KAZN: variants seen among roughly 807,000 people sequenced by gnomAD.
The protein encoded by KAZN is kazrin, periplakin interacting protein, also known as kazrin.
Under a neutral mutation model 87.4 loss-of-function variants are expected in KAZN, and 40 were observed. That is an observed-to-expected ratio of 0.46 (90% CI 0.36 to 0.60). The LOEUF is 0.60. Among genes scored for constraint, KAZN ranks in the 20% least tolerant of loss-of-function variants. The pLI, the probability that KAZN is intolerant of heterozygous loss-of-function variation, is 0.00. For synonymous variants in KAZN, 466 were observed against 458.3 expected, an observed-to-expected ratio of 1.02 and a Z score of -0.22; for missense variants, 898 against 1,073.9, an observed-to-expected ratio of 0.84 and a Z score of 2.29.
At chr1:15,044,968 C>A (rs889335737) in intron 4 of KAZN, among the ~76,000 whole-genome samples, 16 of 152,146 alleles carry the variant, frequency 1.1e-4, no homozygotes, top group African/African-American at 3.9e-4. Context: ...AAACCAAACC[C>A]TCAAAATACT....
At chr1:14,452,838 G>A (rs1171343572) in intron 2 of KAZN, among the ~76,000 whole-genome samples, 1 of 152,218 alleles carries the variant, frequency 6.6e-6, no homozygotes, top group Non-Finnish European at 1.5e-5. Flanking sequence ...GAGCTCTGCT[G>A]CTGGGGTTGT....
At chr1:15,104,528 C>G (rs978761704) in intron 13 of KAZN, among the ~76,000 whole-genome samples, 1 of 152,110 alleles carries the variant, frequency 6.6e-6, no homozygotes, top group Admixed American at 6.5e-5. Context: ...GCTGGGAGGA[C>G]TTGCATTGGC....
chr1:14,092,469 T>G (rs1381970722), intron 1 of KAZN, among the ~76,000 whole-genome samples: 1 of 150,556 alleles, frequency 6.6e-6, no homozygotes, highest in Non-Finnish European at 1.5e-5. Context: ...ATTATATATA[T>G]ATACACACAC....
At chr1:14,659,216 A>G (rs1638999726) in intron 1 of KAZN, among the ~76,000 whole-genome samples, 1 of 152,176 alleles carries the variant, frequency 6.6e-6, no homozygotes. Context: ...TGACAGATCA[A>G]GACTCTTGTC....
chr1:14,122,513 A>G (rs915150674), intron 1 of KAZN, among the ~76,000 whole-genome samples: 1 of 152,192 alleles, frequency 6.6e-6, no homozygotes, highest in Non-Finnish European at 1.5e-5. Context: ...TGTGGTAACT[A>G]GGGAAACTGA....
intron 13 of KAZN, among the ~76,000 whole-genome samples, chr1:15,110,567 G>GTGTGTA (rs1557807456): frequency 6.6e-6 from 1 of 152,010 alleles, no homozygotes; most frequent in East Asian, 1.9e-4. Flanking sequence ...GTGTGTGTGT[G>GTGTGTA]TATCCTCTCA....
chr1:14,933,274 G>A (rs1000695822), intron 1 of KAZN, among the ~76,000 whole-genome samples: 1 of 151,942 alleles, frequency 6.6e-6, no homozygotes, highest in Admixed American at 6.6e-5. Flanking sequence ...TGGATTTTTA[G>A]TAGAGACAGG....
intron 1 of KAZN, among the ~76,000 whole-genome samples, chr1:14,026,697 C>T (rs909049511): frequency 3.3e-5 from 5 of 152,146 alleles, no homozygotes; most frequent in Non-Finnish European, 7.4e-5. Flanking sequence ...TTCAATAGAT[C>T]TGCACTGAGG....
chr1:14,199,538 G>C (rs1428338908), intron 2 of KAZN, among the ~76,000 whole-genome samples: 2 of 152,202 alleles, frequency 1.3e-5, no homozygotes, highest in African/African-American at 4.8e-5. Flanking sequence ...TTCGTCGCTG[G>C]GTTGCACCCT....
At chr1:14,452,884 G>C (rs915827188) in intron 2 of KAZN, among the ~76,000 whole-genome samples, 4 of 152,220 alleles carry the variant, frequency 2.6e-5, no homozygotes, top group Admixed American at 6.5e-5. Context: ...ACAAGCCACA[G>C]TAATGAGTAA....
At position 14,181,971 on chromosome 1, in the gene KAZN, C is replaced by T. The variant is rs113656708; in HGVS notation, c.249+1379C>T. 3.5e-3 allele frequency among the ~76,000 whole-genome samples: 534 copies of T among 152,260 alleles called. 3 individuals carry two copies. The highest frequency in any genetic ancestry group is 0.012 in the African/African-American group (498 of 41,556). ...AAGTGCATATTTTTCTTCTCCTTCA[C>T]ATCCGAGCTTACTAGTGCCTAGAAC... On this transcript the variant is annotated intron_variant, in intron 2 of 16. Transcript: ENST00000636203.
chr1:14,164,509 T>C (rs1477685992), intron 1 of KAZN, among the ~76,000 whole-genome samples: 2 of 147,714 alleles, frequency 1.4e-5, no homozygotes, highest in East Asian at 2.0e-4. Context: ...AAAGTGATAC[T>C]CCATTTCTGC....
intron 1 of KAZN, among the ~76,000 whole-genome samples, chr1:14,719,610 G>A (rs753145653): frequency 1.3e-4 from 20 of 152,184 alleles, no homozygotes; most frequent in Non-Finnish European, 2.5e-4. Context: ...AGGCCAAGGC[G>A]GGCGGATCAC....
At chr1:14,619,978 A>G (rs1038894167) in intron 1 of KAZN, among the ~76,000 whole-genome samples, 17 of 152,288 alleles carry the variant, frequency 1.1e-4, no homozygotes, top group Admixed American at 3.9e-4. Context: ...GATGTTGTGA[A>G]TAGTGGCATT....
intron 2 of KAZN, among the ~76,000 whole-genome samples, chr1:15,027,117 T>A (rs1671253202): frequency 7.6e-6 from 1 of 130,910 alleles, no homozygotes; most frequent in African/African-American, 2.8e-5. Context: ...AGTCTCGCTC[T>A]GTCGCCCAGG....
At chr1:15,046,419 G>A (rs1468976324) in intron 4 of KAZN, among the ~76,000 whole-genome samples, 1 of 151,888 alleles carries the variant, frequency 6.6e-6, no homozygotes, top group African/African-American at 2.4e-5. Context: ...AGGAGGAGGA[G>A]GGAGAGGAAG....
At chr1:14,046,384 A>T (rs543553969) in intron 1 of KAZN, among the ~76,000 whole-genome samples, 6 of 83,684 alleles carry the variant, frequency 7.2e-5, no homozygotes, top group African/African-American at 2.5e-4. Flanking sequence ...TTAGGCAGGA[A>T]TAGGTACATA....
chr1:14,951,968 G>T (rs562114978), intron 1 of KAZN, among the ~76,000 whole-genome samples: 2 of 152,130 alleles, frequency 1.3e-5, no homozygotes, highest in Non-Finnish European at 2.9e-5. Flanking sequence ...CAGGGCGGCC[G>T]CAGAGCCCAG....
At chr1:14,129,843 T>A (rs1038458105) in intron 1 of KAZN, among the ~76,000 whole-genome samples, 10 of 152,198 alleles carry the variant, frequency 6.6e-5, no homozygotes, top group Admixed American at 5.9e-4. Context: ...ACTGAAACAC[T>A]GGTATTTGTG....
Sources: gnomAD v4.1 joint callset for allele counts (sites outside exome capture counted in the v4.1 genomes callset) on GRCh38, gnomAD v4.1.1 for gene constraint, MANE v1.5 for transcripts, NCBI Gene and HGNC (gene_info 2026-07-23, HGNC 2026-07-21) for gene names.